Variants in MED22 observed in about 807,000 individuals in gnomAD.
MED22 encodes mediator complex subunit 22.
Under a neutral mutation model 22.7 loss-of-function variants are expected in MED22, and 22 were observed. That is an observed-to-expected ratio of 0.97 (90% CI 0.69 to 1.38). The LOEUF (loss-of-function observed/expected upper bound fraction) is 1.38, where lower values mean the gene tolerates loss of function less well. MED22 is among the 40% of genes most tolerant of loss of function. The pLI, the probability that MED22 is intolerant of heterozygous loss-of-function variation, is 0.00. For missense variants in MED22, 247 were observed against 263.0 expected (o/e 0.94, Z 0.42); for synonymous variants, 134 against 119.4 (o/e 1.12, Z -0.80).
rs1180318459 is a variant in MED22 at position 133,348,016 on chromosome 9, C to G, written c.-133G>C. ...CTGCGACCCGCACTTTCCCGCGTCT[C>G]TCCCACGGCCTGGCCCTCCCGCCGC... On this transcript the variant is annotated 5_prime_UTR_variant, in exon 1 of 5. Transcript: ENST00000343730. 3 of 622,632 alleles carry G rather than the reference C, an allele frequency of 4.8e-6. No individual in the cohort carries two copies. Among genetic ancestry groups the G allele is most frequent in the Non-Finnish European group, 8.5e-6 (3 of 351,760 alleles). 38.6% of individuals were successfully genotyped at this position (622,632 alleles called of 1,614,324 possible). A position where few individuals can be genotyped will look rare whatever the true frequency, so the allele number is the denominator to read the frequency against.
chr9:133,342,603 G>T (rs1321031440), intron 4 of MED22: 3 of 986,276 alleles, frequency 3.0e-6, no homozygotes, highest in Non-Finnish European at 3.6e-6. Context: ...CAGCAAGAAG[G>T]GGCAGAGGAA....
At chr9:133,342,744 G>A (rs900858074) in intron 4 of MED22, 12 of 985,836 alleles carry the variant, frequency 1.2e-5, no homozygotes, top group Non-Finnish European at 1.4e-5. Context: ...ACACAGGCTG[G>A]CCTGGAAGCC....
chr9:133,339,473 TAAAA>T lies in MED22; in HGVS notation c.*2028_*2031del, dbSNP rs1225806883. ...TATGAATTCATGGCATCGTGGGTGT[TAAAA>T]AAATAAAAGACCTCTGGACTAGAAA... On this transcript the variant is annotated 3_prime_UTR_variant, in exon 5 of 5. Transcript: ENST00000343730. 2 of 700,348 alleles carry T rather than the reference TAAAA, an allele frequency of 2.9e-6. No homozygotes were observed. Among genetic ancestry groups the T allele is most frequent in the African/African-American group, 3.6e-5 (2 of 55,396 alleles). 43.4% of individuals were successfully genotyped at this position (700,348 alleles called of 1,614,324 possible).
Position 133,340,440 on chromosome 9 carries a change from G to GCTGCTCCCCCACA in MED22, c.*1064_*1065insTGTGGGGGAGCAG, listed in dbSNP as rs782559883. 1 of 85,498 alleles carries GCTGCTCCCCCACA rather than the reference G, an allele frequency of 1.2e-5. No homozygotes were observed. Among genetic ancestry groups the GCTGCTCCCCCACA allele is most frequent in the African/African-American group, 5.3e-5 (1 of 19,002 alleles). The allele number at this position is 85,498 out of a possible 1,614,324, so 5.3% of individuals were successfully genotyped here. On this transcript the variant is annotated 3_prime_UTR_variant, in exon 5 of 5. Coordinates refer to ENST00000343730, the MANE Select transcript of MED22 (RefSeq NM_133640.5). ...GATGGTGCTGGAGGAACTGGGGTGG[G>GCTGCTCCCCCACA]GTGCTCCCCCACACTTCCTGTGGAC...
chr9:133,345,127 G>A, intron 3 of MED22, 45 bp downstream of exon 3: 1 of 1,594,612 alleles, frequency 6.3e-7, no homozygotes, highest in South Asian at 1.1e-5. Flanking sequence ...TGAGGGGACT[G>A]ATGCTCTTGG....
chr9:133,345,263 A>C lies in MED22; in HGVS notation c.124-11T>G. 6.2e-7 allele frequency: 1 copy of C among 1,613,622 alleles called. No homozygotes were observed. Among genetic ancestry groups the C allele is most frequent in the Non-Finnish European group, 8.5e-7 (1 of 1,179,912 alleles). Reference sequence around the variant, plus strand: ...CGTCTCGTCCTCAATCTGGGGGAAAACAAGAAAACCTAGAAATCAACCCAG... The same window carrying C: ...CGTCTCGTCCTCAATCTGGGGGAAACCAAGAAAACCTAGAAATCAACCCAG... On this transcript the variant is annotated splice_polypyrimidine_tract_variant and intron_variant, in intron 2 of 4. Transcript: ENST00000343730.
rs1836249177 is a variant in MED22 at position 133,347,998 on chromosome 9, C to T, written c.-115G>A. The T allele has an allele frequency of 3.4e-5, 20 of 584,092 alleles. 1 individual carries two copies. In the South Asian group the frequency reaches 3.8e-4, roughly 11 times the overall value. The allele number at this position is 584,092 out of a possible 1,614,324, so 36.2% of individuals were successfully genotyped here. A position where few individuals can be genotyped will look rare whatever the true frequency, so the allele number is the denominator to read the frequency against. Reference sequence around the variant, plus strand: ...CGGGGTGGTCAAGTGCCTCTGCGACCCGCACTTTCCCGCGTCTCTCCCACG... The same window carrying T: ...CGGGGTGGTCAAGTGCCTCTGCGACTCGCACTTTCCCGCGTCTCTCCCACG... On this transcript the variant is annotated 5_prime_UTR_variant, in exon 1 of 5. Transcript: ENST00000343730.
chr9:133,342,058 C>T, intron 4 of MED22: 1 of 1,098,262 alleles, frequency 9.1e-7, no homozygotes, highest in East Asian at 9.8e-5. Context: ...TGGCCACCCT[C>T]CCTCCTCCCT....
chr9:133,346,453 A>C, intron 2 of MED22, 87 bp downstream of exon 2: 1 of 1,540,428 alleles, frequency 6.5e-7, no homozygotes, highest in Non-Finnish European at 8.8e-7. Flanking sequence ...CTAGAACACT[A>C]TTCACTCGCG....
At chr9:133,345,088 A>G in intron 3 of MED22, 84 bp downstream of exon 3, 1 of 1,367,054 alleles carries the variant, frequency 7.3e-7, no homozygotes, top group Non-Finnish European at 1.0e-6. Flanking sequence ...GACCAGCCCC[A>G]GAGCCCCCTC....
Position 133,344,200 on chromosome 9 carries a change from T to A in MED22, c.338A>T (p.Asp113Val), listed in dbSNP as rs2129960352. The A allele has an allele frequency of 6.2e-7, 1 of 1,614,166 alleles. No individual in the cohort carries two copies. The highest frequency in any genetic ancestry group is 8.5e-7 in the Non-Finnish European group (1 of 1,180,032). Residue 113 changes from aspartate (D) to valine (V), a missense_variant, in exon 4 of 5, where the codon GAC (aspartate) becomes GTC (valine). Asp to Val is a radical substitution (Grantham distance 152). Transcript: ENST00000343730. ...GTCTCGCAGCGTGATGAGCTTCCGG[T>A]CGCACTCCTCCTGCAGTGTGCGCAG... ...QQLRTLQEEC[D>V]RKLITLRDEI...
At chr9:133,342,957 G>A (rs2129955463) in intron 4 of MED22, 21 of 985,700 alleles carry the variant, frequency 2.1e-5, no homozygotes, top group South Asian at 4.7e-5. Flanking sequence ...CAAAGAGACC[G>A]ACAAACTGAA....
intron 4 of MED22, chr9:133,343,719 C>A (rs1836082595): frequency 1.5e-6 from 2 of 1,294,380 alleles, no homozygotes; most frequent in Non-Finnish European, 2.0e-6. Flanking sequence ...CCTGACTGCC[C>A]AAAAAAGGCT....
chr9:133,348,100 G>GCCCCCGCAGCCTCTCA lies in MED22; in HGVS notation c.-218_-217insTGAGAGGCTGCGGGGG. On this transcript the variant is annotated 5_prime_UTR_variant, in exon 1 of 5. Coordinates refer to ENST00000343730, the MANE Select transcript of MED22 (RefSeq NM_133640.5). Reference sequence around the variant, plus strand: ...ACCTAGTCAGCCGCCGCAGCCTCTCGGCCCCGCCTCGATTTTTAGCTTTAT... The same window carrying GCCCCCGCAGCCTCTCA: ...ACCTAGTCAGCCGCCGCAGCCTCTCGCCCCCGCAGCCTCTCAGCCCCGCCTCGATTTTTAGCTTTAT... 1.6e-6 allele frequency: 2 copies of GCCCCCGCAGCCTCTCA among 1,221,046 alleles called. No individual in the cohort carries two copies. The highest frequency in any genetic ancestry group is 2.4e-6 in the Non-Finnish European group (2 of 836,050). 75.6% of individuals were successfully genotyped at this position (1,221,046 alleles called of 1,614,324 possible). A position where few individuals can be genotyped will look rare whatever the true frequency, so the allele number is the denominator to read the frequency against.
intron 2 of MED22, among the ~76,000 whole-genome samples, chr9:133,345,789 G>A (rs1161084156): frequency 4.6e-5 from 7 of 152,294 alleles, no homozygotes; most frequent in African/African-American, 1.4e-4. Flanking sequence ...GGGGCTTCCC[G>A]GCAGGCCTTG....
chr9:133,342,266 C>T (rs2129952614), intron 4 of MED22: 25 of 986,216 alleles, frequency 2.5e-5, no homozygotes, highest in Non-Finnish European at 4.8e-6. Flanking sequence ...GGGGAATCCT[C>T]ACGGCAGCCA....
chr9:133,346,329 G>A (rs1836178472), intron 2 of MED22: 5 of 587,328 alleles, frequency 8.5e-6, no homozygotes, highest in Non-Finnish European at 1.5e-5. Flanking sequence ...GAGAAACTGA[G>A]GCACTAAAAA....
rs2129976025 is a variant in MED22 at position 133,348,076 on chromosome 9, C to G, written c.-193G>C. 13,546 of 973,606 alleles carry G rather than the reference C, an allele frequency of 0.014. 1,034 individuals carry two copies. The African/African-American group carries it at 0.18, about 13-fold the overall frequency. The allele number at this position is 973,606 out of a possible 1,614,324, so 60.3% of individuals were successfully genotyped here. A position where few individuals can be genotyped will look rare whatever the true frequency, so the allele number is the denominator to read the frequency against. On this transcript the variant is annotated 5_prime_UTR_variant, in exon 1 of 5. Transcript: ENST00000343730. ...TCCCCGCCGCGCCGCGGTCCGAAAA[C>G]CTAGTCAGCCGCCGCAGCCTCTCGG...
chr9:133,343,193 T>C, intron 4 of MED22: 2 of 1,101,784 alleles, frequency 1.8e-6, no homozygotes, highest in Non-Finnish European at 2.2e-6. Context: ...TCTGGATATC[T>C]GTGGCTCCCA....
Sources: gnomAD v4.1 joint callset for allele counts (sites outside exome capture counted in the v4.1 genomes callset) on GRCh38, gnomAD v4.1.1 for gene constraint, MANE v1.5 for transcripts, NCBI Gene and HGNC (gene_info 2026-07-23, HGNC 2026-07-21) for gene names.